The following TBC1D5 variants were observed in gnomAD, a reference collection of about 807,000 sequenced individuals.
TBC1D5 encodes TBC1 domain family, member 5.
TBC1D5 carries 75 observed loss-of-function variants against 100.3 expected under a neutral mutation model. The ratio of observed to expected loss-of-function variants is 0.75; its 90% CI spans 0.62 to 0.91. The LOEUF (loss-of-function observed/expected upper bound fraction) is 0.91, where lower values mean the gene tolerates loss of function less well. Among genes scored for constraint, TBC1D5 ranks in the 40% least tolerant of loss-of-function variants. The pLI is 0.00. For missense variants in TBC1D5, 910 were observed against 942.4 expected (o/e 0.97, Z 0.45); for synonymous variants, 323 against 325.6 (o/e 0.99, Z 0.09).
At chr3:17,589,571 C>A (rs1237668123) in intron 2 of TBC1D5, among the ~76,000 whole-genome samples, 1 of 152,214 alleles carries the variant, frequency 6.6e-6, no homozygotes, top group South Asian at 2.1e-4. Context: ...TCACCTTCCA[C>A]CATGATTGTG....
chr3:17,326,008 A>G (rs932279176), intron 13 of TBC1D5, among the ~76,000 whole-genome samples: 3 of 152,204 alleles, frequency 2.0e-5, no homozygotes, highest in African/African-American at 7.2e-5. Context: ...AGTGAGAGGA[A>G]AAAATGGTGA....
At chr3:17,174,663 G>A (rs1002038174) in intron 19 of TBC1D5, among the ~76,000 whole-genome samples, 2 of 152,016 alleles carry the variant, frequency 1.3e-5, no homozygotes, top group East Asian at 3.9e-4. Context: ...GCACAATCTC[G>A]ACTCGCTGCA....
chr3:17,345,583 G>A (rs1247430583), intron 13 of TBC1D5, among the ~76,000 whole-genome samples: 1 of 151,800 alleles, frequency 6.6e-6, no homozygotes, highest in Non-Finnish European at 1.5e-5. Context: ...TATACCCAAA[G>A]GACTATAAAT....
chr3:17,618,538 G>A (rs2062379060), intron 2 of TBC1D5, among the ~76,000 whole-genome samples: 1 of 152,250 alleles, frequency 6.6e-6, no homozygotes, highest in Non-Finnish European at 1.5e-5. Flanking sequence ...AGAACTTGCT[G>A]AGCTGCACTG....
At chr3:17,361,268 T>C (rs1024810104) in intron 13 of TBC1D5, among the ~76,000 whole-genome samples, 4 of 152,028 alleles carry the variant, frequency 2.6e-5, no homozygotes, top group Admixed American at 2.0e-4. Context: ...TGGGTAAGAA[T>C]ACTGGATGTT....
rs549722202 is a variant in TBC1D5 at position 17,468,844 on chromosome 3, T to C, written c.97+39630A>G. Among the ~76,000 whole-genome samples the C allele has an allele frequency of 3.3e-5, 5 of 152,352 alleles. No individual in the cohort carries two copies. In the South Asian group the frequency reaches 1.0e-3, roughly 32 times the overall value. Reference sequence around the variant, plus strand: ...CAATGGGAGACAGAAAAATATTTCCTACATAGAAGTGGGCACTAACTAATC... The same window carrying C: ...CAATGGGAGACAGAAAAATATTTCCCACATAGAAGTGGGCACTAACTAATC... On this transcript the variant is annotated intron_variant, in intron 3 of 21. Transcript: ENST00000253692.
At chr3:17,693,002 G>A (rs933876777) in intron 1 of TBC1D5, among the ~76,000 whole-genome samples, 1 of 152,144 alleles carries the variant, frequency 6.6e-6, no homozygotes, top group African/African-American at 2.4e-5. Context: ...GAGCCCCCTT[G>A]GCATATGAGG....
chr3:17,608,310 C>T (rs2061464749), intron 2 of TBC1D5, among the ~76,000 whole-genome samples: 1 of 152,006 alleles, frequency 6.6e-6, no homozygotes, highest in Admixed American at 6.6e-5. Context: ...ATCACTTTTA[C>T]TCAACTGTAA....
intron 1 of TBC1D5, among the ~76,000 whole-genome samples, chr3:17,706,849 TAAGA>T (rs1028488660): frequency 6.6e-6 from 1 of 151,520 alleles, no homozygotes; most frequent in Non-Finnish European, 1.5e-5. Flanking sequence ...TCTAAAATTT[TAAGA>T]AAGACCTTTT....
intron 3 of TBC1D5, among the ~76,000 whole-genome samples, chr3:17,475,174 G>GCCCC (rs146719921): frequency 3.3e-5 from 5 of 150,082 alleles, no homozygotes; most frequent in African/African-American, 9.9e-5. Flanking sequence ...GTTCTACCTT[G>GCCCC]CCCCGCCCCA....
chr3:17,625,722 A>T (rs1369544378), intron 1 of TBC1D5, among the ~76,000 whole-genome samples: 1 of 152,106 alleles, frequency 6.6e-6, no homozygotes, highest in African/African-American at 2.4e-5. Context: ...TCAAAAAATC[A>T]TGCCTATGAA....
At chr3:17,620,771 AAATT>A (rs749138126) in intron 2 of TBC1D5, among the ~76,000 whole-genome samples, 19 of 152,196 alleles carry the variant, frequency 1.2e-4, no homozygotes, top group Admixed American at 2.0e-4. Context: ...TATATTCAAA[AAATT>A]AAATCAATAA....
chr3:17,290,434 C>T (rs986458524), intron 15 of TBC1D5, among the ~76,000 whole-genome samples: 4 of 152,134 alleles, frequency 2.6e-5, no homozygotes, highest in Admixed American at 6.5e-5. Context: ...TTACCAAGAT[C>T]GATAGGTTTT....
chr3:17,413,212 A>C (rs2093983002), intron 4 of TBC1D5, among the ~76,000 whole-genome samples: 1 of 152,208 alleles, frequency 6.6e-6, no homozygotes, highest in Non-Finnish European at 1.5e-5. Flanking sequence ...AGTAGGTTTC[A>C]TTTCTCAGGC....
At chr3:17,610,339 C>T (rs535584423) in intron 2 of TBC1D5, among the ~76,000 whole-genome samples, 28 of 152,240 alleles carry the variant, frequency 1.8e-4, no homozygotes, top group Admixed American at 1.8e-3. Context: ...CATGCTCCAC[C>T]ATGCATGACT....
chr3:17,455,796 C>T (rs1018209517), intron 3 of TBC1D5, among the ~76,000 whole-genome samples: 3 of 152,092 alleles, frequency 2.0e-5, no homozygotes, highest in African/African-American at 7.2e-5. Flanking sequence ...TGAGACTGCA[C>T]TACTGCATTC....
chr3:17,511,601 T>C (rs1258512043), intron 2 of TBC1D5, among the ~76,000 whole-genome samples: 6 of 152,024 alleles, frequency 3.9e-5, no homozygotes, highest in African/African-American at 1.4e-4. Flanking sequence ...ATGATATTCA[T>C]ACGTTCATTT....
At chr3:17,517,667 T>C (rs2096008478) in intron 2 of TBC1D5, among the ~76,000 whole-genome samples, 1 of 152,224 alleles carries the variant, frequency 6.6e-6, no homozygotes, top group Non-Finnish European at 1.5e-5. Flanking sequence ...GAATAACATC[T>C]GGTTTATATT....
chr3:17,551,581 C>T (rs2096473954), intron 2 of TBC1D5, among the ~76,000 whole-genome samples: 1 of 152,132 alleles, frequency 6.6e-6, no homozygotes, highest in Non-Finnish European at 1.5e-5. Context: ...TCTTATCATG[C>T]ATTCAGATTT....
Sources: allele counts gnomAD v4.1 joint callset (sites outside exome capture counted in the v4.1 genomes callset), GRCh38; gene constraint gnomAD v4.1.1; transcripts MANE v1.5; gene names NCBI Gene and HGNC (gene_info 2026-07-23, HGNC 2026-07-21).